The following MID1 variants were observed in gnomAD, a reference collection of about 807,000 sequenced individuals.
The protein encoded by MID1 is midline 1.
Under a neutral mutation model 40.4 loss-of-function variants are expected in MID1, and 7 were observed. The observed-to-expected ratio is 0.17, with a 90% CI of 0.10 to 0.33. The LOEUF (loss-of-function observed/expected upper bound fraction) is 0.33. MID1 is among the 10% of genes least tolerant of loss of function. The pLI is 1.00. For missense variants in MID1, 367 were observed against 558.5 expected (o/e 0.66, Z 3.46); for synonymous variants, 229 against 221.2 (o/e 1.04, Z -0.31).
intron 1 of MID1, among the ~76,000 whole-genome samples, chrX:10,730,328 T>C (rs2043435912): frequency 9.0e-6 from 1 of 110,764 alleles, no homozygotes; most frequent in South Asian, 3.7e-4. Flanking sequence ...AAAAGCTATT[T>C]GCTTTTATAA....
intron 9 of MID1, among the ~76,000 whole-genome samples, chrX:10,450,534 T>TCA (rs1928268440): frequency 8.9e-6 from 1 of 112,605 alleles, no homozygotes; most frequent in Non-Finnish European, 1.9e-5. Context: ...TATTGCCTGA[T>TCA]GGCACATATT....
intron 1 of MID1, among the ~76,000 whole-genome samples, chrX:10,812,380 A>C (rs1230539049): frequency 1.8e-5 from 2 of 111,717 alleles, no homozygotes; most frequent in African/African-American, 6.5e-5. Context: ...GAGAAATGAC[A>C]AAGAAACTAA....
chrX:10,707,919 T>C (rs1378549950), intron 1 of MID1, among the ~76,000 whole-genome samples: 1 of 113,198 alleles, frequency 8.8e-6, no homozygotes, highest in Non-Finnish European at 1.9e-5. Flanking sequence ...TCTGTGAAGT[T>C]ATTTAGCATT....
intron 1 of MID1, among the ~76,000 whole-genome samples, chrX:10,774,403 C>T (rs2043789240): frequency 9.1e-6 from 1 of 109,901 alleles, no homozygotes. Flanking sequence ...AACAAAGAAG[C>T]CCAGACCTCT....
intron 1 of MID1, among the ~76,000 whole-genome samples, chrX:10,662,094 C>T (rs886843955): frequency 1.1e-4 from 12 of 111,707 alleles, no homozygotes; most frequent in Non-Finnish European, 3.8e-5. Context: ...CACCTGAGGT[C>T]AGGAGTTTGA....
intron 1 of MID1, among the ~76,000 whole-genome samples, chrX:10,613,463 T>G (rs1330100000): frequency 1.9e-5 from 2 of 108,005 alleles, no homozygotes; most frequent in Non-Finnish European, 3.8e-5. Context: ...GGAGTAACCT[T>G]GGGCATGCCA....
At chrX:10,732,874 T>C (rs2147104048) in intron 1 of MID1, among the ~76,000 whole-genome samples, 1 of 102,983 alleles carries the variant, frequency 9.7e-6, no homozygotes, top group East Asian at 3.0e-4. Context: ...TTTTTTTTTT[T>C]TTTTTTTTGA....
chrX:10,604,130 T>G (rs1935582446), intron 1 of MID1, among the ~76,000 whole-genome samples: 1 of 111,466 alleles, frequency 9.0e-6, no homozygotes, highest in African/African-American at 3.3e-5. Flanking sequence ...ATGTTGGAGA[T>G]TTTTAACCTG....
chrX:10,760,838 C>T lies in MID1; in HGVS notation c.-187+72716G>A, dbSNP rs186537623. On this transcript the variant is annotated intron_variant, in intron 1 of 10. Coordinates refer to the MID1 transcript ENST00000380785. ...CAAAACCCTGCCTCTAAAAACAAAA[C>T]AAAACAAAGACAAAAACAAAACGGA... 5.8e-3 allele frequency among the ~76,000 whole-genome samples: 649 copies of T among 111,201 alleles called. 4 individuals are homozygous for T. The highest frequency in any genetic ancestry group is 0.02 in the African/African-American group (611 of 30,573).
upstream of MID1, among the ~76,000 whole-genome samples, chrX:10,622,845 A>G (rs1288965910): frequency 1.8e-5 from 2 of 111,842 alleles, no homozygotes; most frequent in African/African-American, 6.5e-5. Flanking sequence ...GGGATACACA[A>G]AGTCTTTTTC....
chrX:10,815,434 A>T (rs2044129524), intron 1 of MID1, among the ~76,000 whole-genome samples: 1 of 112,372 alleles, frequency 8.9e-6, no homozygotes, highest in Non-Finnish European at 1.9e-5. Flanking sequence ...CTCATTATGG[A>T]AGAAAGAAAA....
At chrX:10,508,413 T>C (rs185539692) in intron 3 of MID1, among the ~76,000 whole-genome samples, 2 of 112,808 alleles carry the variant, frequency 1.8e-5, no homozygotes, top group East Asian at 5.5e-4. Context: ...TAAAATGTAT[T>C]AGTACAATTA....
intron 1 of MID1, among the ~76,000 whole-genome samples, chrX:10,779,380 C>T (rs1314802613): frequency 9.0e-6 from 1 of 111,313 alleles, no homozygotes; most frequent in Non-Finnish European, 1.9e-5. Context: ...CCCGTGTTGT[C>T]CAGGTTGGTT....
chrX:10,530,060 G>C (rs765921850), intron 2 of MID1, among the ~76,000 whole-genome samples: 27 of 112,097 alleles, frequency 2.4e-4, no homozygotes, highest in African/African-American at 8.7e-4. Context: ...GGCCTTGAGA[G>C]TTTAGAAGAA....
chrX:10,704,016 GT>G (rs2043209664), intron 1 of MID1, among the ~76,000 whole-genome samples: 1 of 112,124 alleles, frequency 8.9e-6, no homozygotes. Context: ...CTCTTGGAGA[GT>G]TGTTATAACG....
chrX:10,683,848 G>A (rs2043076280), intron 1 of MID1, among the ~76,000 whole-genome samples: 1 of 89,088 alleles, frequency 1.1e-5, no homozygotes, highest in South Asian at 5.9e-4. Flanking sequence ...TTGGCTCACT[G>A]CAACCTCTGC....
chrX:10,718,412 C>T (rs1174344458), intron 1 of MID1, among the ~76,000 whole-genome samples: 31 of 112,006 alleles, frequency 2.8e-4, no homozygotes, highest in African/African-American at 7.5e-4. Flanking sequence ...GAGAATACTA[C>T]AAACACCTCT....
chrX:10,575,381 C>A (rs1025444153), intron 1 of MID1, among the ~76,000 whole-genome samples: 1 of 111,976 alleles, frequency 8.9e-6, no homozygotes, highest in East Asian at 2.8e-4. Flanking sequence ...CAGATTGCAA[C>A]GGGGACCCAA....
chrX:10,550,904 C>T (rs1283603441), intron 2 of MID1, among the ~76,000 whole-genome samples: 1 of 111,147 alleles, frequency 9.0e-6, no homozygotes. Context: ...CATCCTGTCT[C>T]AAAGTGGAAT....
Sources: allele counts gnomAD v4.1 joint callset (sites outside exome capture counted in the v4.1 genomes callset), GRCh38; gene constraint gnomAD v4.1.1; transcripts MANE v1.5; gene names NCBI Gene and HGNC (gene_info 2026-07-23, HGNC 2026-07-21).